Variants in MBNL1 observed in about 807,000 individuals in gnomAD.
MBNL1 encodes muscleblind-like protein 1.
In MBNL1, 8 loss-of-function variants were observed where a neutral mutation model predicts 42.2. The observed-to-expected ratio is 0.19, with a 90% CI of 0.11 to 0.34. The LOEUF (loss-of-function observed/expected upper bound fraction) is 0.34, where lower values mean the gene tolerates loss of function less well. Ranked by LOEUF, MBNL1 falls within the 10% of genes least tolerant of loss-of-function variation. The pLI, the probability that MBNL1 is intolerant of heterozygous loss-of-function variation, is 1.00. For synonymous variants in MBNL1, 169 were observed against 173.9 expected (o/e 0.97, Z 0.22); for missense variants, 309 against 495.3 (o/e 0.62, Z 3.57).
chr3:152,319,658 C>T (rs537813042), intron 2 of MBNL1, among the ~76,000 whole-genome samples: 12 of 106,846 alleles, frequency 1.1e-4, no homozygotes, highest in African/African-American at 1.4e-4. Flanking sequence ...AACAGACTCT[C>T]CAAAAAAATG....
At chr3:152,451,005 G>A (rs555672040) in intron 6 of MBNL1, among the ~76,000 whole-genome samples, 1 of 152,106 alleles carries the variant, frequency 6.6e-6, no homozygotes, top group African/African-American at 2.4e-5. Flanking sequence ...TAATACAGAA[G>A]AATTAGATGA....
chr3:152,395,914 G>T (rs1026628973), intron 2 of MBNL1, among the ~76,000 whole-genome samples: 1 of 152,146 alleles, frequency 6.6e-6, no homozygotes, highest in Non-Finnish European at 1.5e-5. Context: ...TAGAGGAGAG[G>T]TCCCCAACCC....
At chr3:152,426,352 TAAAAATC>T (rs952019449) in intron 3 of MBNL1, among the ~76,000 whole-genome samples, 4 of 152,164 alleles carry the variant, frequency 2.6e-5, no homozygotes, top group Non-Finnish European at 4.4e-5. Context: ...TAAAGTATAA[TAAAAATC>T]AAAAATAATC....
chr3:152,399,863 CATCTCTATTATAGTAAAATCATTTGTTGT>C (rs1241285221), intron 2 of MBNL1, among the ~76,000 whole-genome samples: 2 of 152,064 alleles, frequency 1.3e-5, no homozygotes, highest in African/African-American at 4.8e-5. Context: ...TTTCATTTTC[CATCTCTATTATAGTAAAATCATTTGTTGT>C]ATCTGAAAAC....
At chr3:152,421,192 A>C (rs537135413) in intron 3 of MBNL1, among the ~76,000 whole-genome samples, 1 of 152,268 alleles carries the variant, frequency 6.6e-6, no homozygotes, top group Admixed American at 6.5e-5. Context: ...TGGAAAACAC[A>C]CTTCAGGATA....
At chr3:152,443,796 A>G (rs1169469911) in intron 4 of MBNL1, among the ~76,000 whole-genome samples, 1 of 152,342 alleles carries the variant, frequency 6.6e-6, no homozygotes, top group Admixed American at 6.5e-5. Flanking sequence ...TGTGATCTTA[A>G]TAACTGAGTG....
At position 152,465,537 on chromosome 3, in the gene MBNL1, A is replaced by T. The variant is rs1301921820; in HGVS notation, c.*3171A>T. 6.6e-6 allele frequency: 1 copy of T among 152,668 alleles called. No individual in the cohort carries two copies. Among genetic ancestry groups the T allele is most frequent in the African/African-American group, 2.4e-5 (1 of 41,470 alleles). The allele number at this position is 152,668 out of a possible 1,614,324, so 9.5% of individuals were successfully genotyped here. The stretch of plus-strand genomic sequence containing the variant: ...AATTAGTGTATCCAGCCTTCACTCC[A>T]GCTGGTTAAAAATGTTGCACTTATC... On this transcript the variant is annotated 3_prime_UTR_variant, in exon 10 of 10. Coordinates refer to ENST00000324210, the MANE Select transcript of MBNL1 (RefSeq NM_021038.5).
intron 2 of MBNL1, among the ~76,000 whole-genome samples, chr3:152,385,064 C>T (rs1005248056): frequency 1.3e-5 from 2 of 152,034 alleles, no homozygotes; most frequent in Non-Finnish European, 2.9e-5. Context: ...TAGTAGAAAT[C>T]TCAGGAAAAG....
intron 2 of MBNL1, among the ~76,000 whole-genome samples, chr3:152,356,177 A>G (rs903283601): frequency 6.6e-6 from 1 of 152,198 alleles, no homozygotes; most frequent in Non-Finnish European, 1.5e-5. Context: ...TTATGCTCAG[A>G]TGCAATTTTA....
At chr3:152,426,643 G>A (rs1475797756) in intron 3 of MBNL1, among the ~76,000 whole-genome samples, 1 of 151,706 alleles carries the variant, frequency 6.6e-6, no homozygotes, top group African/African-American at 2.4e-5. Flanking sequence ...ATGATATCTG[G>A]AGTTTCTCTA....
At chr3:152,256,027 T>G (rs1034124410) in intron 2 of MBNL1, among the ~76,000 whole-genome samples, 1 of 152,158 alleles carries the variant, frequency 6.6e-6, no homozygotes, top group Non-Finnish European at 1.5e-5. Context: ...GGAATGGAGT[T>G]GCACATATGA....
chr3:152,460,699 T>A (rs1248607434), intron 9 of MBNL1, among the ~76,000 whole-genome samples: 1 of 152,152 alleles, frequency 6.6e-6, no homozygotes, highest in African/African-American at 2.4e-5. Flanking sequence ...TTGTCCAGTA[T>A]GCATGCATTC....
intron 6 of MBNL1, 31 bp from the exon 7 acceptor site, chr3:152,455,511 C>A: frequency 1.9e-6 from 3 of 1,598,756 alleles, no homozygotes; most frequent in South Asian, 2.2e-5. Context: ...CTTTTCAAAT[C>A]CACCTTCCTG....
intron 6 of MBNL1, among the ~76,000 whole-genome samples, chr3:152,452,256 T>C (rs1286293002): frequency 6.6e-6 from 1 of 152,258 alleles, no homozygotes; most frequent in African/African-American, 2.4e-5. Context: ...ACTCATGAAA[T>C]TACGGCGTGT....
intron 2 of MBNL1, among the ~76,000 whole-genome samples, chr3:152,404,678 G>A (rs189587801): frequency 6.6e-6 from 1 of 150,906 alleles, no homozygotes; most frequent in Non-Finnish European, 1.5e-5. Context: ...TTATGTGTTT[G>A]TATGTATGTT....
At chr3:152,307,198 C>T (rs1222660527) in intron 2 of MBNL1, among the ~76,000 whole-genome samples, 1 of 152,188 alleles carries the variant, frequency 6.6e-6, no homozygotes, top group East Asian at 1.9e-4. Flanking sequence ...CCGTGTTGGC[C>T]AGGCTGGCTT....
chr3:152,429,125 T>C (rs1232269897), intron 3 of MBNL1, among the ~76,000 whole-genome samples: 1 of 152,198 alleles, frequency 6.6e-6, no homozygotes, highest in Non-Finnish European at 1.5e-5. Context: ...CAAGGGAATT[T>C]ATACTCTACT....
At chr3:152,434,989 G>A (rs766472716) in intron 4 of MBNL1, among the ~76,000 whole-genome samples, 4 of 152,144 alleles carry the variant, frequency 2.6e-5, no homozygotes, top group Non-Finnish European at 5.9e-5. Flanking sequence ...CCATTCTGTA[G>A]GCTGTTTACT....
chr3:152,445,518 T>G lies in MBNL1; in HGVS notation c.786T>G (p.Ala262=), dbSNP rs766526980. 34 of 1,600,836 alleles carry G rather than the reference T, an allele frequency of 2.1e-5. No homozygotes were observed. The highest frequency in any genetic ancestry group is 4.0e-5 in the African/African-American group (3 of 74,340). ...TCAACCAGGCTGCAGCTGCACAGGC[T>G]GCAGCCACCGCAGCTGCCATGGTGA... ...YQVNQAAAAQ[A]AATAAAMGIP... Residue 262 remains alanine (A), a synonymous_variant, in exon 5 of 10, where the codon GCT becomes GCG. Transcript: ENST00000324210.
Sources: allele counts gnomAD v4.1 joint callset (sites outside exome capture counted in the v4.1 genomes callset), GRCh38; gene constraint gnomAD v4.1.1; transcripts MANE v1.5; gene names NCBI Gene and HGNC (gene_info 2026-07-23, HGNC 2026-07-21).